Variants in LRRC9 observed in about 807,000 individuals in gnomAD.
LRRC9 encodes the protein leucine rich repeat containing 9, also known as leucine-rich repeat-containing protein 9.
Under a neutral mutation model 63.2 loss-of-function variants are expected in LRRC9, and 122 were observed. The ratio of observed to expected loss-of-function variants is 1.93; its 90% CI spans 1.67 to 2.24. The LOEUF (loss-of-function observed/expected upper bound fraction) is 2.24. LRRC9 is among the 30% of genes most tolerant of loss of function. The pLI is 0.00. For missense variants in LRRC9, 1,071 were observed against 627.7 expected, an observed-to-expected ratio of 1.71 and a Z score of -7.55; for synonymous variants, 366 against 213.1, an observed-to-expected ratio of 1.72 and a Z score of -6.25.
At position 60,041,515 on chromosome 14, in the gene LRRC9, T is replaced by C. The variant is rs147560043; in HGVS notation, c.3990+9452T>C. Among the ~76,000 whole-genome samples the C allele has an allele frequency of 1.0e-3, 156 of 152,302 alleles. 1 individual carries two copies. Among genetic ancestry groups the C allele is most frequent in the African/African-American group, 3.5e-3 (144 of 41,574 alleles). ...TTTGATGTTCAATCACTGATACCCT[T>C]TCTTCCACTTGATCAAATCAGCTAC... On this transcript the variant is annotated intron_variant, in intron 29 of 31. Transcript: ENST00000445360.
intron 17 of LRRC9, among the ~76,000 whole-genome samples, chr14:59,992,648 G>A (rs1382733708): frequency 2.0e-5 from 3 of 152,152 alleles, no homozygotes; most frequent in Non-Finnish European, 4.4e-5. Context: ...AGGCACAAGA[G>A]CTACGTGACA....
At chr14:59,963,177 C>T (rs1884512270) in intron 10 of LRRC9, among the ~76,000 whole-genome samples, 1 of 152,132 alleles carries the variant, frequency 6.6e-6, no homozygotes, top group Admixed American at 6.5e-5. Flanking sequence ...GAAAGATTTT[C>T]TGTTAAAATT....
intron 15 of LRRC9, 104 bp downstream of exon 15, chr14:59,978,236 C>A: frequency 1.7e-6 from 1 of 597,408 alleles, no homozygotes; most frequent in South Asian, 2.0e-5. Flanking sequence ...ATATTATGTG[C>A]ATGTGTGTAT....
chr14:59,969,589 A>G (rs1273211819), intron 12 of LRRC9, among the ~76,000 whole-genome samples: 1 of 152,192 alleles, frequency 6.6e-6, no homozygotes, highest in Non-Finnish European at 1.5e-5. Context: ...GGTTGGCAGT[A>G]TCTACAGGCA....
In LRRC9 at chr14:60,042,886, T is replaced by C. The variant is rs1353955375; in HGVS notation, c.3991-10179T>C. Among the ~76,000 whole-genome samples, 1 of 152,250 alleles carries C rather than the reference T, an allele frequency of 6.6e-6. No homozygotes were observed. The highest frequency in any genetic ancestry group is 1.5e-5 in the Non-Finnish European group (1 of 68,044). Reference sequence around the variant, plus strand: ...TTAGGCCATCTTGGAACCTCCCATGTATTGTCATTTTAACAATATTAATTA... The same window carrying C: ...TTAGGCCATCTTGGAACCTCCCATGCATTGTCATTTTAACAATATTAATTA... On this transcript the variant is annotated intron_variant, in intron 29 of 31. Coordinates refer to ENST00000445360, the Ensembl canonical transcript of LRRC9. This position sits in a 1 kb window ranked among gnomAD's most constrained non-coding sequence, Gnocchi z 4.2.
chr14:59,979,344 T>C (rs219331), intron 15 of LRRC9, among the ~76,000 whole-genome samples: 113,392 of 152,178 alleles, frequency 0.75, 44,426 homozygotes, highest in Non-Finnish European at 0.87. Context: ...CTCGGCCAGG[T>C]GCGGTGGCTC....
In LRRC9 at chr14:59,990,834, G is replaced by C. The variant is rs963937819; in HGVS notation, c.2211+5610G>C. ...CGGTGAATATTTGTTGACTGTTCTG[G>C]GGCTCTCCTGTTTTCAGGTCCATCA... On this transcript the variant is annotated intron_variant, in intron 17 of 31. Coordinates refer to ENST00000445360, the Ensembl canonical transcript of LRRC9. This position sits in a 1 kb window ranked among gnomAD's most constrained non-coding sequence, Gnocchi z 4.2. 6.6e-6 allele frequency among the ~76,000 whole-genome samples: 1 copy of C among 152,134 alleles called. No individual in the cohort carries two copies. Among genetic ancestry groups the C allele is most frequent in the Non-Finnish European group, 1.5e-5 (1 of 68,018 alleles).
intron 23 of LRRC9, among the ~76,000 whole-genome samples, chr14:60,014,057 G>C (rs894974758): frequency 5.9e-5 from 9 of 151,506 alleles, no homozygotes; most frequent in Non-Finnish European, 8.9e-5. Flanking sequence ...TTTATCCATA[G>C]TGTTTTTTAG....
At chr14:60,002,358 C>G (rs1196293571) in intron 20 of LRRC9, among the ~76,000 whole-genome samples, 1 of 152,144 alleles carries the variant, frequency 6.6e-6, no homozygotes, top group African/African-American at 2.4e-5. Context: ...ATTAGGGTCT[C>G]TAGAAAGTAT....
At chr14:60,032,984 C>T (rs1052414778) in intron 29 of LRRC9, among the ~76,000 whole-genome samples, 10 of 152,020 alleles carry the variant, frequency 6.6e-5, no homozygotes, top group Admixed American at 5.9e-4. Flanking sequence ...CCTTCGCATT[C>T]ATAAACATAT....
intron 29 of LRRC9, among the ~76,000 whole-genome samples, chr14:60,048,370 TAATAA>T (rs1173495903): frequency 2.0e-5 from 3 of 151,838 alleles, no homozygotes; most frequent in East Asian, 3.9e-4. Context: ...TTGAAAAAAT[TAATAA>T]AATAGATAGA....
chr14:59,974,313 A>G (rs1311988182), intron 12 of LRRC9, among the ~76,000 whole-genome samples: 3 of 152,120 alleles, frequency 2.0e-5, no homozygotes, highest in East Asian at 1.9e-4. Context: ...ACATAGTATT[A>G]TCAGTCTTGA....
chr14:59,981,838 CA>C lies in LRRC9; in HGVS notation c.1879-9del, dbSNP rs1456753029. On this transcript the variant is annotated splice_polypyrimidine_tract_variant and intron_variant, in intron 15 of 31. Coordinates refer to ENST00000445360, the Ensembl canonical transcript of LRRC9. ...AACTGATTTTGCAATGTTTTTAATA[CA>C]TTTTTTAGGTCAAGGCACCCTCTTT... 1.5e-5 allele frequency: 10 copies of C among 679,774 alleles called. No individual in the cohort carries two copies. The highest frequency in any genetic ancestry group is 1.1e-4 in the South Asian group (7 of 62,580). 42.1% of individuals were successfully genotyped at this position (679,774 alleles called of 1,614,324 possible).
intron 15 of LRRC9, among the ~76,000 whole-genome samples, chr14:59,979,938 G>C (rs1306383499): frequency 2.0e-5 from 3 of 151,614 alleles, no homozygotes; most frequent in African/African-American, 7.3e-5. Flanking sequence ...TGCACATTGT[G>C]CACATGTACC....
chr14:59,997,378 T>C (rs1490593976), intron 17 of LRRC9, among the ~76,000 whole-genome samples: 1 of 152,122 alleles, frequency 6.6e-6, no homozygotes, highest in Non-Finnish European at 1.5e-5. Flanking sequence ...TAAATTATCT[T>C]GACAGTTTCT....
intron 29 of LRRC9, among the ~76,000 whole-genome samples, chr14:60,045,489 C>A (rs1893341386): frequency 6.6e-6 from 1 of 152,116 alleles, no homozygotes; most frequent in South Asian, 2.1e-4. Flanking sequence ...CTGTTTTTAT[C>A]ATTCAGCTTC....
At chr14:59,965,061 G>A (rs1162216392) in intron 10 of LRRC9, among the ~76,000 whole-genome samples, 1 of 152,168 alleles carries the variant, frequency 6.6e-6, no homozygotes, top group African/African-American at 2.4e-5. Context: ...ATGTAGGTGA[G>A]GACCTAGATC....
At chr14:59,985,765 A>G (rs908779694) in intron 17 of LRRC9, among the ~76,000 whole-genome samples, 2 of 152,150 alleles carry the variant, frequency 1.3e-5, no homozygotes, top group Admixed American at 6.5e-5. Flanking sequence ...AAATCAGCCT[A>G]AATACATATA....
intron 17 of LRRC9, among the ~76,000 whole-genome samples, chr14:59,985,461 C>A (rs1887364764): frequency 6.6e-6 from 1 of 152,144 alleles, no homozygotes; most frequent in South Asian, 2.1e-4. Context: ...CATTGTACAC[C>A]TTGAACATAT....
Sources: gnomAD v4.1 joint callset for allele counts (sites outside exome capture counted in the v4.1 genomes callset) on GRCh38, gnomAD v4.1.1 for gene constraint, Gnocchi (gnomAD v3.1) non-coding constraint, MANE v1.5 for transcripts, NCBI Gene and HGNC (gene_info 2026-07-23, HGNC 2026-07-21) for gene names.